Variants in PACC1 observed in about 807,000 individuals in gnomAD.
PACC1 encodes the protein proton activated chloride channel 1, also known as proton-activated chloride channel.
In PACC1, 34 loss-of-function variants were observed where a neutral mutation model predicts 39.7. The observed-to-expected ratio is 0.86, with a 90% CI of 0.65 to 1.14. The LOEUF is 1.14. Ranked by LOEUF, PACC1 falls within the 50% of genes most tolerant of loss-of-function variation. The pLI is 0.00. For missense variants in PACC1, 379 were observed against 436.4 expected (o/e 0.87, Z 1.17); for synonymous variants, 127 against 160.6 (o/e 0.79, Z 1.58).
At chr1:212,379,010 C>T (rs918049053) in intron 5 of PACC1, among the ~76,000 whole-genome samples, 4 of 150,210 alleles carry the variant, frequency 2.7e-5, no homozygotes, top group Non-Finnish European at 5.9e-5. Context: ...GTGGCGCAAT[C>T]TCAGCTCACT....
intron 1 of PACC1, among the ~76,000 whole-genome samples, chr1:212,413,516 T>G (rs1312576591): frequency 6.6e-6 from 1 of 152,216 alleles, no homozygotes; most frequent in Non-Finnish European, 1.5e-5. Context: ...GAGGTAGCCC[T>G]TGACTTCTGG....
chr1:212,385,389 C>T lies in PACC1; in HGVS notation c.380G>A (p.Ser127Asn), dbSNP rs202036707. Residue 127 changes from serine (S) to asparagine (N), a missense_variant, in exon 4 of 8, where the codon AGC becomes AAC. Ser to Asn is a conservative substitution (Grantham distance 46). Coordinates refer to ENST00000261455, the MANE Select transcript of PACC1 (RefSeq NM_018252.3). ...ALYPGQAQLL[S>N]CKHHYEVIPP... ...AATGACCTCGTAATGGTGCTTACAG[C>T]TGAGCAACTGGGCCTGACCGGGGTA... 5.0e-5 allele frequency: 80 copies of T among 1,613,966 alleles called. No homozygotes were observed. Among genetic ancestry groups the T allele is most frequent in the Middle Eastern group, 1.6e-4 (1 of 6,082 alleles).
chr1:212,413,889 A>G, intron 1 of PACC1: 1 of 1,530,902 alleles, frequency 6.5e-7, no homozygotes, highest in Non-Finnish European at 8.7e-7. Flanking sequence ...AAACTGGAGG[A>G]GGACCGACCT....
At chr1:212,383,272 G>GT (rs2102492557) in intron 4 of PACC1, among the ~76,000 whole-genome samples, 1 of 152,230 alleles carries the variant, frequency 6.6e-6, no homozygotes, top group African/African-American at 2.4e-5. Context: ...TGTAACTATT[G>GT]TAACAAGTGC....
intron 1 of PACC1, among the ~76,000 whole-genome samples, chr1:212,412,978 TAA>T (rs1414999372): frequency 6.6e-6 from 1 of 152,178 alleles, no homozygotes; most frequent in Non-Finnish European, 1.5e-5. Context: ...TGTGACTCAA[TAA>T]AAGTCACACA....
At chr1:212,383,836 G>C (rs1431633579) in intron 4 of PACC1, among the ~76,000 whole-genome samples, 1 of 148,202 alleles carries the variant, frequency 6.7e-6, no homozygotes, top group Non-Finnish European at 1.5e-5. Context: ...GTAGAAGTCT[G>C]CTCTGTTTCC....
At chr1:212,412,783 C>T (rs1390923273) in intron 1 of PACC1, among the ~76,000 whole-genome samples, 1 of 152,234 alleles carries the variant, frequency 6.6e-6, no homozygotes, top group Non-Finnish European at 1.5e-5. Context: ...GACCCCAAAG[C>T]ATCCTGGACG....
At chr1:212,365,517 G>A (rs1660207842) in intron 7 of PACC1, 141 bp from the exon 8 acceptor site, 7 of 840,080 alleles carry the variant, frequency 8.3e-6, no homozygotes, top group Non-Finnish European at 1.0e-5. Flanking sequence ...TGCAAGCTCC[G>A]CTTCCTGGGT....
At position 212,364,247 on chromosome 1, in the gene PACC1, A is replaced by G. The variant is rs1457762015; in HGVS notation, c.*968T>C. On this transcript the variant is annotated 3_prime_UTR_variant, in exon 8 of 8. Transcript: ENST00000261455. ...ATATGATGGGTAGTTTTGTGGACAC[A>G]GTAAAGAGTTAACCCAGCTTCCTCG... 2 of 152,172 alleles carry G rather than the reference A, an allele frequency of 1.3e-5. No homozygotes were observed. The highest frequency in any genetic ancestry group is 2.1e-4 in the South Asian group (1 of 4,832). 9.4% of individuals were successfully genotyped at this position (152,172 alleles called of 1,614,324 possible).
chr1:212,366,300 C>CTTTTTTT (rs35052406), intron 7 of PACC1, among the ~76,000 whole-genome samples: 2 of 107,428 alleles, frequency 1.9e-5, no homozygotes, highest in Non-Finnish European at 3.7e-5. Flanking sequence ...GGTAAGAATA[C>CTTTTTTT]TTTTTTTTTT....
rs1050685025 is a variant in PACC1 at position 212,397,889 on chromosome 1, T to G, written c.134-10789A>C. 1.5e-4 allele frequency among the ~76,000 whole-genome samples: 23 copies of G among 152,242 alleles called. 1 individual carries two copies. On this transcript the variant is annotated intron_variant, in intron 2 of 7. Coordinates refer to ENST00000261455, the MANE Select transcript of PACC1 (RefSeq NM_018252.3). ...AAGAGCAGATATACTGTGCAGTGGT[T>G]ACGAGCATGAGCTTTAGAGTCAGAG...
Position 212,410,559 on chromosome 1 carries a change from T to C in PACC1, c.37-38A>G, listed in dbSNP as rs745717031. 7.0e-6 allele frequency: 11 copies of C among 1,580,688 alleles called. No individual in the cohort carries two copies. In the South Asian group the frequency reaches 1.1e-4, roughly 16 times the overall value. Reference sequence around the variant, plus strand: ...GCAAAGAGAGCAAAGACAAGTCAGCTATGTCAGCCTTGCTTTTCTACACTA... The same window carrying C: ...GCAAAGAGAGCAAAGACAAGTCAGCCATGTCAGCCTTGCTTTTCTACACTA... On this transcript the variant is annotated intron_variant, in intron 1 of 7. Coordinates refer to ENST00000261455, the MANE Select transcript of PACC1 (RefSeq NM_018252.3).
rs56909493 is a variant in PACC1, at chr1:212,402,663, G to C, written c.133+7762C>G. ...TTTGATACACAAAAGGTCTTCTTTTGAGGGGGACGGGAATGGAGTCTCACT... is the reference window on the plus strand; with the variant it reads ...TTTGATACACAAAAGGTCTTCTTTTCAGGGGGACGGGAATGGAGTCTCACT... On this transcript the variant is annotated intron_variant, in intron 2 of 7. Coordinates refer to ENST00000261455, the MANE Select transcript of PACC1 (RefSeq NM_018252.3). Among the ~76,000 whole-genome samples the C allele has an allele frequency of 7.8e-3, 1,181 of 152,110 alleles. 17 individuals carry two copies. The highest frequency in any genetic ancestry group is 0.027 in the African/African-American group (1,111 of 41,476).
At chr1:212,409,356 A>G (rs1461864352) in intron 2 of PACC1, among the ~76,000 whole-genome samples, 1 of 152,152 alleles carries the variant, frequency 6.6e-6, no homozygotes, top group Admixed American at 6.5e-5. Context: ...GTGGAAAAAA[A>G]TGAGTGAGCT....
chr1:212,414,858 C>T lies in PACC1; in HGVS notation c.-101G>A, dbSNP rs1474954705. The T allele has an allele frequency of 4.0e-6, 6 of 1,518,854 alleles. No individual in the cohort carries two copies. The highest frequency in any genetic ancestry group is 2.3e-5 in the South Asian group (2 of 86,326). The allele number at this position is 1,518,854 out of a possible 1,614,324, so 94.1% of individuals were successfully genotyped here. On this transcript the variant is annotated 5_prime_UTR_variant, in exon 1 of 8. Coordinates refer to ENST00000261455, the MANE Select transcript of PACC1 (RefSeq NM_018252.3). ...ACCTGGACCTACCGGCTCCGCGAGG[C>T]GAAACCGGTCCGGAGGGGCGTCCCA...
chr1:212,399,042 A>C (rs1041831336), intron 2 of PACC1, among the ~76,000 whole-genome samples: 5 of 152,346 alleles, frequency 3.3e-5, no homozygotes, highest in African/African-American at 1.2e-4. Context: ...CATGGTCCAA[A>C]TGGGACCATG....
chr1:212,367,368 A>G (rs1357193540), intron 7 of PACC1, among the ~76,000 whole-genome samples: 4 of 152,162 alleles, frequency 2.6e-5, no homozygotes, highest in African/African-American at 9.6e-5. Flanking sequence ...TGGGAGAGGG[A>G]AGTGAGTCTG....
intron 5 of PACC1, among the ~76,000 whole-genome samples, chr1:212,378,762 G>C (rs1431612746): frequency 6.6e-6 from 1 of 152,072 alleles, no homozygotes; most frequent in Non-Finnish European, 1.5e-5. Context: ...GTAGACCCTT[G>C]AACAACACAG....
chr1:212,411,628 G>C (rs1662130223), intron 1 of PACC1, among the ~76,000 whole-genome samples: 1 of 152,184 alleles, frequency 6.6e-6, no homozygotes, highest in Non-Finnish European at 1.5e-5. Context: ...AATTGGGAGG[G>C]AGAGGGGACA....
Sources: allele counts gnomAD v4.1 joint callset (sites outside exome capture counted in the v4.1 genomes callset), GRCh38; gene constraint gnomAD v4.1.1; transcripts MANE v1.5; gene names NCBI Gene and HGNC (gene_info 2026-07-23, HGNC 2026-07-21).